Variants in KIAA0319 observed in about 807,000 individuals in gnomAD.
KIAA0319 encodes KIAA0319, also known as dyslexia-associated protein KIAA0319.
In KIAA0319, 83 loss-of-function variants were observed where a neutral mutation model predicts 108.4. The observed-to-expected ratio is 0.77, with a 90% confidence interval of 0.64 to 0.92. The LOEUF (loss-of-function observed/expected upper bound fraction) is 0.92. Among genes scored for constraint, KIAA0319 ranks in the 40% least tolerant of loss-of-function variants. KIAA0319 has a pLI of 0.00. For missense variants in KIAA0319, 1,195 were observed against 1,322.4 expected (o/e 0.90, Z 1.49); for synonymous variants, 484 against 510.4 (o/e 0.95, Z 0.70).
At position 24,544,749 on chromosome 6, in the gene KIAA0319, C is replaced by G. The variant is rs1455551794; in HGVS notation, c.*2416G>C. 6.6e-6 allele frequency: 1 copy of G among 152,210 alleles called. No individual in the cohort carries two copies. Among genetic ancestry groups the G allele is most frequent in the African/African-American group, 2.4e-5 (1 of 41,454 alleles). 9.4% of individuals were successfully genotyped at this position (152,210 alleles called of 1,614,324 possible). A position where few individuals can be genotyped will look rare whatever the true frequency, so the allele number is the denominator to read the frequency against. On this transcript the variant is annotated 3_prime_UTR_variant, in exon 21 of 21. Coordinates refer to ENST00000378214, the MANE Select transcript of KIAA0319 (RefSeq NM_014809.4). ...GTCCAGAGCTCTTAGCGTGCTTTAT[C>G]TCCCAAAGATCCTCAATGATAAGCA...
In KIAA0319 at chr6:24,566,294, T is replaced by C. The variant is rs1763894818; in HGVS notation, c.2292+303A>G. 3.3e-5 allele frequency among the ~76,000 whole-genome samples: 5 copies of C among 152,118 alleles called. No individual in the cohort carries two copies. In the South Asian group the frequency reaches 1.0e-3, roughly 32 times the overall value. On this transcript the variant is annotated intron_variant, in intron 14 of 20. Coordinates refer to ENST00000378214, the MANE Select transcript of KIAA0319 (RefSeq NM_014809.4). Reference sequence around the variant, plus strand: ...AGGGTAGGCCCCTGATCCAATAGGATTTACTGTCCTTATAAGAAGAGACAC... The same window carrying C: ...AGGGTAGGCCCCTGATCCAATAGGACTTACTGTCCTTATAAGAAGAGACAC...
At chr6:24,606,147 G>C (rs541768596) in intron 1 of KIAA0319, among the ~76,000 whole-genome samples, 2 of 152,290 alleles carry the variant, frequency 1.3e-5, no homozygotes, top group East Asian at 3.9e-4. Flanking sequence ...ATGTTGACCA[G>C]GGTGGCCTCA....
rs1269122302 is a variant in KIAA0319, at chr6:24,567,700, C to T, written c.2141-952G>A. 2.0e-5 allele frequency among the ~76,000 whole-genome samples: 3 copies of T among 152,102 alleles called. 1 individual carries two copies. The East Asian group carries it at 5.8e-4, about 29-fold the overall frequency. On this transcript the variant is annotated intron_variant, in intron 13 of 20. Transcript: ENST00000378214. Reference sequence around the variant, plus strand: ...CGAGCAACAGAGTGAGACCCTGGGTCTATTTTAAAAATAAAAAAATGAGGC... The same window carrying T: ...CGAGCAACAGAGTGAGACCCTGGGTTTATTTTAAAAATAAAAAAATGAGGC...
intron 1 of KIAA0319, among the ~76,000 whole-genome samples, chr6:24,613,595 G>T (rs552176182): frequency 2.7e-5 from 4 of 150,226 alleles, no homozygotes; most frequent in Non-Finnish European, 4.4e-5. Context: ...AATCCCCACT[G>T]ATTTCTGAAA....
At chr6:24,589,515 G>A (rs909753118) in intron 3 of KIAA0319, among the ~76,000 whole-genome samples, 25 of 151,716 alleles carry the variant, frequency 1.6e-4, no homozygotes, top group Admixed American at 2.0e-4. Flanking sequence ...ATCATGGGAC[G>A]GTTCCCCCCA....
intron 1 of KIAA0319, among the ~76,000 whole-genome samples, chr6:24,631,940 C>A (rs1775638281): frequency 6.6e-6 from 1 of 152,220 alleles, no homozygotes; most frequent in Non-Finnish European, 1.5e-5. Context: ...TGCTTTGTGC[C>A]AAATTCTGAA....
At chr6:24,564,476 G>T in intron 14 of KIAA0319, 136 bp from the exon 15 acceptor site, 1 of 1,098,662 alleles carries the variant, frequency 9.1e-7, no homozygotes, top group Non-Finnish European at 1.3e-6. Flanking sequence ...AGGGAATGAG[G>T]CTGGCGGGAT....
At chr6:24,621,867 G>C (rs1773988422) in intron 1 of KIAA0319, among the ~76,000 whole-genome samples, 2 of 152,194 alleles carry the variant, frequency 1.3e-5, no homozygotes, top group Non-Finnish European at 2.9e-5. Context: ...GCCAATGGAT[G>C]CAAAGAGACA....
intron 16 of KIAA0319, among the ~76,000 whole-genome samples, chr6:24,559,851 C>CG (rs1442162500): frequency 1.3e-5 from 2 of 152,172 alleles, no homozygotes; most frequent in African/African-American, 4.8e-5. Flanking sequence ...AGACAATCCA[C>CG]ACTCATTAGC....
At chr6:24,644,947 A>C (rs575365998) in intron 1 of KIAA0319, among the ~76,000 whole-genome samples, 3 of 152,358 alleles carry the variant, frequency 2.0e-5, no homozygotes, top group Admixed American at 6.5e-5. Context: ...ATACTAAAAA[A>C]AGCACAAAAT....
chr6:24,575,780 T>C (rs767556099), intron 10 of KIAA0319, among the ~76,000 whole-genome samples: 4 of 151,392 alleles, frequency 2.6e-5, no homozygotes, highest in Admixed American at 6.6e-5. Context: ...AATAATAACA[T>C]AACTTCAAAA....
intron 1 of KIAA0319, among the ~76,000 whole-genome samples, chr6:24,606,554 G>A (rs1771436485): frequency 6.6e-6 from 1 of 152,206 alleles, no homozygotes; most frequent in South Asian, 2.1e-4. Flanking sequence ...GGACAAGGGA[G>A]GGATGAAGGT....
At position 24,588,804 on chromosome 6, in the gene KIAA0319, G is replaced by C. The variant is rs369374198; in HGVS notation, c.802-19C>G. On this transcript the variant is annotated intron_variant, in intron 3 of 20. Coordinates refer to ENST00000378214, the MANE Select transcript of KIAA0319 (RefSeq NM_014809.4). ...TTAGAACCTACGAGATCAATTACAA[G>C]GATAAATTGTTATTAAAAAAAAAAC... The C allele has an allele frequency of 1.5e-5, 24 of 1,582,122 alleles. 1 individual carries two copies. The highest frequency in any genetic ancestry group is 2.1e-5 in the Non-Finnish European group (24 of 1,161,004).
chr6:24,563,488 G>T lies in KIAA0319; in HGVS notation c.2462C>A (p.Thr821Asn), dbSNP rs372757667. 4.3e-5 allele frequency: 70 copies of T among 1,612,294 alleles called. No individual in the cohort carries two copies. The highest frequency in any genetic ancestry group is 5.4e-5 in the Non-Finnish European group (64 of 1,179,702). The change falls in exon 16 of 21, where the codon ACC becomes AAC. Residue 821 changes from threonine (T) to asparagine (N), a missense_variant. Physicochemically the swap from Thr to Asn is moderately conservative, Grantham distance 65. Coordinates refer to ENST00000378214, the MANE Select transcript of KIAA0319 (RefSeq NM_014809.4). Reference protein sequence around the residue: ...DPRKSGLVELTLQVGVGQLTE... With the variant: ...DPRKSGLVELNLQVGVGQLTE... The stretch of plus-strand genomic sequence containing the variant: ...CAGCTGCCCAACACCAACCTGCAGG[G>T]TCAGCTCCACCAGGCCACTCTTCCT...
chr6:24,583,251 C>T (rs1040918487), intron 5 of KIAA0319: 3 of 1,007,928 alleles, frequency 3.0e-6, no homozygotes, highest in Non-Finnish European at 3.6e-6. Context: ...TGGGTGCACG[C>T]CACTTCCCTC....
At chr6:24,620,766 T>C (rs1464661232) in intron 1 of KIAA0319, among the ~76,000 whole-genome samples, 1 of 152,222 alleles carries the variant, frequency 6.6e-6, no homozygotes, top group Non-Finnish European at 1.5e-5. Context: ...AGTATGCTAA[T>C]TCTATTGGAT....
intron 1 of KIAA0319, among the ~76,000 whole-genome samples, chr6:24,612,574 T>C (rs1171010518): frequency 2.6e-5 from 4 of 152,206 alleles, no homozygotes; most frequent in African/African-American, 7.2e-5. Context: ...TTTGCATTAG[T>C]AAAGAAGCTC....
At chr6:24,612,985 G>A (rs1772582345) in intron 1 of KIAA0319, among the ~76,000 whole-genome samples, 1 of 152,140 alleles carries the variant, frequency 6.6e-6, no homozygotes, top group Non-Finnish European at 1.5e-5. Context: ...ATTTTTAGTA[G>A]AGACGGGGTT....
intron 1 of KIAA0319, among the ~76,000 whole-genome samples, chr6:24,631,161 G>C (rs1353772616): frequency 2.0e-5 from 3 of 152,218 alleles, no homozygotes; most frequent in African/African-American, 7.2e-5. Context: ...GTTCAATTTA[G>C]CCAGTGGGGC....
Sources: allele counts gnomAD v4.1 joint callset (sites outside exome capture counted in the v4.1 genomes callset), GRCh38; gene constraint gnomAD v4.1.1; transcripts MANE v1.5; gene names NCBI Gene and HGNC (gene_info 2026-07-23, HGNC 2026-07-21).